SNX14: variants seen among roughly 807,000 people sequenced by gnomAD.
The protein encoded by SNX14 is sorting nexin-14.
A neutral mutation model predicts 133.8 loss-of-function variants in SNX14; 93 were observed. That is an observed-to-expected ratio of 0.70 (90% confidence interval 0.59 to 0.83). SNX14 has a LOEUF of 0.83. Among genes scored for constraint, SNX14 ranks in the 40% least tolerant of loss-of-function variants. The pLI is 0.00. For missense variants in SNX14, 945 were observed against 1,094.9 expected (o/e 0.86, Z 1.93); for synonymous variants, 368 against 365.6 (o/e 1.01, Z -0.07).
At chr6:85,593,000 C>A (rs952361582) in intron 1 of SNX14, among the ~76,000 whole-genome samples, 2 of 152,100 alleles carry the variant, frequency 1.3e-5, no homozygotes, top group African/African-American at 4.8e-5. Flanking sequence ...GGTGACAGAG[C>A]GAGACTCCGT....
chr6:85,593,661 C>A lies in SNX14; in HGVS notation c.58G>T (p.Val20Leu). Residue 20 changes from valine to leucine, a missense_variant, in exon 1 of 29, where the codon GTG becomes TTG. Coordinates refer to ENST00000314673, the MANE Select transcript of SNX14 (RefSeq NM_153816.6). ...TACTGGCGGCAGATCTCGCGTCCCA[C>A]GTCCAGTCGCAGCCGCTGCTTCAGC... ...QKLKQRLRLD[V>L]GREICRQYPL... The A allele has an allele frequency of 1.2e-6, 2 of 1,613,024 alleles. No homozygotes were observed. The highest frequency in any genetic ancestry group is 1.7e-6 in the Non-Finnish European group (2 of 1,179,900).
At chr6:85,530,752 A>G (rs1246972072) in intron 18 of SNX14, among the ~76,000 whole-genome samples, 1 of 152,212 alleles carries the variant, frequency 6.6e-6, no homozygotes, top group African/African-American at 2.4e-5. Flanking sequence ...ATTTTATCCC[A>G]TATTTTAGTT....
intron 1 of SNX14, among the ~76,000 whole-genome samples, chr6:85,579,632 C>A (rs911794574): frequency 7.9e-5 from 12 of 152,170 alleles, no homozygotes; most frequent in Non-Finnish European, 1.5e-5. Context: ...AGAATTTGCA[C>A]TGAAACTCAG....
chr6:85,543,793 A>G, intron 12 of SNX14, 33 bp from the exon 13 acceptor site: 1 of 1,295,622 alleles, frequency 7.7e-7, no homozygotes, highest in Non-Finnish European at 1.0e-6. Flanking sequence ...AGAAAAAATA[A>G]TTTTAATATA....
chr6:85,539,711 G>T (rs1378509442), intron 15 of SNX14, among the ~76,000 whole-genome samples: 1 of 151,968 alleles, frequency 6.6e-6, no homozygotes, highest in Non-Finnish European at 1.5e-5. Flanking sequence ...AAGACTGATA[G>T]TTAACTATTA....
chr6:85,591,220 C>CTG (rs5877943), intron 1 of SNX14, among the ~76,000 whole-genome samples: 174 of 150,510 alleles, frequency 1.2e-3, no homozygotes, highest in South Asian at 3.6e-3. Flanking sequence ...CTCTTATCAT[C>CTG]TGTGTGTGTG....
At position 85,547,492 on chromosome 6, in the gene SNX14, TATTC is replaced by T; in HGVS notation, c.912+10_912+13del. 1 of 1,604,202 alleles carries T rather than the reference TATTC, an allele frequency of 6.2e-7. No homozygotes were observed. Among genetic ancestry groups the T allele is most frequent in the Non-Finnish European group, 8.5e-7 (1 of 1,176,542 alleles). On this transcript the variant is annotated intron_variant, in intron 10 of 28. Transcript: ENST00000314673. ...ATGCAATCTGAAGTGTTTTCTAATA[TATTC>T]AATACTCACTGGACTGTCATCTATG...
intron 1 of SNX14, among the ~76,000 whole-genome samples, chr6:85,591,996 G>C (rs1033668329): frequency 6.6e-6 from 1 of 152,230 alleles, no homozygotes; most frequent in Non-Finnish European, 1.5e-5. Flanking sequence ...CTGGGCAAGA[G>C]AGTGAGACTC....
At chr6:85,554,301 C>T (rs1376668637) in intron 7 of SNX14, among the ~76,000 whole-genome samples, 1 of 151,668 alleles carries the variant, frequency 6.6e-6, no homozygotes, top group Admixed American at 6.6e-5. Flanking sequence ...TTCATATACA[C>T]ACATGTGTAT....
At chr6:85,507,145 G>A in intron 28 of SNX14, 88 bp downstream of exon 28, 1 of 1,184,384 alleles carries the variant, frequency 8.4e-7, no homozygotes, top group Admixed American at 2.1e-5. Flanking sequence ...ACAGAGACAA[G>A]GGTTTTCTTA....
intron 1 of SNX14, chr6:85,581,148 A>C (rs1022212230): frequency 6.6e-6 from 1 of 152,226 alleles, no homozygotes; most frequent in African/African-American, 2.4e-5. Context: ...ACAGAGAGAG[A>C]CTCCATTTGA....
Position 85,572,372 on chromosome 6 carries a change from C to A in SNX14, c.264G>T (p.Gln88His), listed in dbSNP as rs113111730. The A allele has an allele frequency of 3.6e-3, 5,862 of 1,610,208 alleles. 34 individuals are homozygous for A. Among genetic ancestry groups the A allele is most frequent in the South Asian group, 0.013 (1,196 of 89,826 alleles). Residue 88 changes from glutamine to histidine, a missense_variant and splice_region_variant, in exon 3 of 29, where the codon CAG (glutamine) becomes CAT (histidine). This residue lies in a region of SNX14 where 514 missense variants were observed against 538.8 expected (regional missense o/e 0.95). Transcript: ENST00000314673. ...GAGGAAATAATTCCTGAAGTCCTAA[C>A]TGCTAAAAAAGGAAAATGAGAGGTG... is the stretch of plus-strand genomic sequence containing the variant. ...IFFTIKYKPK[Q>H]LGLQELFPQG...
At position 85,514,121 on chromosome 6, in the gene SNX14, C is replaced by G. The variant is rs375192868; in HGVS notation, c.2506G>C (p.Glu836Gln). 16 of 1,613,738 alleles carry G rather than the reference C, an allele frequency of 9.9e-6. No individual in the cohort carries two copies. Among genetic ancestry groups the G allele is most frequent in the Non-Finnish European group, 1.2e-5 (14 of 1,179,920 alleles). The change falls in exon 25 of 29, where the codon GAA becomes CAA. Residue 836 changes from glutamate (E) to glutamine (Q), a missense_variant. Glu to Gln is a conservative substitution (Grantham distance 29, BLOSUM62 2). This residue lies in a region of SNX14 where 412 missense variants were observed against 516.6 expected (regional missense o/e 0.80). Coordinates refer to ENST00000314673, the MANE Select transcript of SNX14 (RefSeq NM_153816.6). Reference sequence around the variant, plus strand: ...AAACGGTGCTCCTGAAATAGCTGTTCTAGTTTACACTGAAGATAGTAATCA... The same window carrying G: ...AAACGGTGCTCCTGAAATAGCTGTTGTAGTTTACACTGAAGATAGTAATCA... ...YTDYYLQCKLEQLFQEHRLVS... is the reference protein window; with the variant it reads ...YTDYYLQCKLQQLFQEHRLVS...
rs781341508 is a variant in SNX14 at position 85,547,322 on chromosome 6, G to A, written c.988C>T (p.Pro330Ser). The A allele has an allele frequency of 1.2e-6, 2 of 1,613,324 alleles. No individual in the cohort carries two copies. The highest frequency in any genetic ancestry group is 2.2e-5 in the East Asian group (1 of 44,846). ...QKFAEPRNKK[P>S]SVLKLELKQI... Reference sequence around the variant, plus strand: ...TTATTGCTGAAAATTCTTACAGATGGCTTTTTATTTCTAGGTTCTGCAAAT... The same window carrying A: ...TTATTGCTGAAAATTCTTACAGATGACTTTTTATTTCTAGGTTCTGCAAAT... The change falls in exon 11 of 29, where the codon CCA becomes TCA. Residue 330 changes from proline (P) to serine (S), a missense_variant. By Grantham distance (74) the Pro-to-Ser change is moderately conservative. Around this residue, in one of 3 missense-constraint regions of SNX14, gnomAD observed 514 missense variants for 538.8 expected, o/e 0.95. Transcript: ENST00000314673.
At position 85,505,997 on chromosome 6, in the gene SNX14, C is replaced by CTT. The variant is rs1562157719; in HGVS notation, c.2809_2810dup (p.Glu938ArgfsTer6). On this transcript the variant is annotated frameshift_variant, in exon 29 of 29. Coordinates refer to ENST00000314673, the MANE Select transcript of SNX14 (RefSeq NM_153816.6). LOFTEE classifies it high-confidence loss of function. Reference sequence around the variant, plus strand: ...TCCAAGATGTCACAGAGGTAACTTCCTTTTGTACCTAAAGTAAAAATAAAT... The same window carrying CTT: ...TCCAAGATGTCACAGAGGTAACTTCCTTTTTTGTACCTAAAGTAAAAATAAAT... 6.3e-7 allele frequency: 1 copy of CTT among 1,592,138 alleles called. No individual in the cohort carries two copies. Among genetic ancestry groups the CTT allele is most frequent in the South Asian group, 1.1e-5 (1 of 90,568 alleles).
At chr6:85,521,391 T>C (rs937684860) in intron 21 of SNX14, among the ~76,000 whole-genome samples, 1 of 152,224 alleles carries the variant, frequency 6.6e-6, no homozygotes, top group Non-Finnish European at 1.5e-5. Context: ...CACACCACCA[T>C]ACCCAGCTAC....
chr6:85,579,766 C>G (rs1290437270), intron 1 of SNX14, among the ~76,000 whole-genome samples: 5 of 152,204 alleles, frequency 3.3e-5, no homozygotes, highest in Admixed American at 3.3e-4. Flanking sequence ...CTTGACACCA[C>G]AGGTTAAAGT....
At chr6:85,515,893 T>C (rs1442746510) in intron 23 of SNX14, among the ~76,000 whole-genome samples, 1 of 152,150 alleles carries the variant, frequency 6.6e-6, no homozygotes, top group Admixed American at 6.5e-5. Flanking sequence ...AAATCTAAAA[T>C]AAAAGTTGAA....
In SNX14 at chr6:85,547,556, G is replaced by A. The variant is rs762989131; in HGVS notation, c.868-6C>T. ...AGCAAATGATTCACAGTATCCTAGT[G>A]GAAAATAATAAACATAAGTCAAAAT... On this transcript the variant is annotated splice_polypyrimidine_tract_variant and splice_region_variant and intron_variant, in intron 9 of 28. Coordinates refer to ENST00000314673, the MANE Select transcript of SNX14 (RefSeq NM_153816.6). 27 of 1,591,962 alleles carry A rather than the reference G, an allele frequency of 1.7e-5. No homozygotes were observed. Among genetic ancestry groups the A allele is most frequent in the Non-Finnish European group, 2.0e-5 (24 of 1,170,856 alleles).
Sources: allele counts gnomAD v4.1 joint callset (sites outside exome capture counted in the v4.1 genomes callset), GRCh38; gene constraint gnomAD v4.1.1; regional missense constraint gnomAD v4.1.1; transcripts MANE v1.5; gene names NCBI Gene and HGNC (gene_info 2026-07-23, HGNC 2026-07-21).